ISM1: variants seen among roughly 807,000 people sequenced by gnomAD.
ISM1 encodes isthmin-1.
Under a neutral mutation model 46.3 loss-of-function variants are expected in ISM1, and 25 were observed. The ratio of observed to expected loss-of-function variants is 0.54; its 90% CI spans 0.39 to 0.75. ISM1 has a LOEUF of 0.75. Among genes scored for constraint, ISM1 ranks in the 30% least tolerant of loss-of-function variants. ISM1 has a pLI of 0.00. For missense variants in ISM1, 536 were observed against 625.4 expected (o/e 0.86, Z 1.52); for synonymous variants, 255 against 256.7 (o/e 0.99, Z 0.06).
chr20:13,277,760 C>T (rs918742865), intron 2 of ISM1, among the ~76,000 whole-genome samples: 6 of 151,934 alleles, frequency 3.9e-5, no homozygotes, highest in Admixed American at 2.6e-4. Context: ...CTAGTAGTGC[C>T]CTTCTAGGTG....
the ISM1 span, among the ~76,000 whole-genome samples, chr20:13,306,388 T>C: frequency 0.38 from 56,985 of 151,756 alleles, 11,656 homozygotes; most frequent in Admixed American, 0.44. Context: ...AAGGGAATGT[T>C]AGCAAATTTT....
intron 1 of ISM1, among the ~76,000 whole-genome samples, chr20:13,246,680 C>T (rs1212861719): frequency 6.6e-6 from 1 of 152,204 alleles, no homozygotes; most frequent in Non-Finnish European, 1.5e-5. Flanking sequence ...ATGGCAAAGC[C>T]ATGATTAAAT....
chr20:13,287,675 A>G (rs570656547), intron 3 of ISM1, among the ~76,000 whole-genome samples: 122 of 152,336 alleles, frequency 8.0e-4, no homozygotes, highest in African/African-American at 2.7e-3. Flanking sequence ...GTTGTACTTA[A>G]TAGTGTATCT....
rs33933983 is a variant in ISM1, at chr20:13,280,391, A to AC, written c.643+505dup. Among the ~76,000 whole-genome samples, 1,022 of 132,026 alleles carry AC rather than the reference A, an allele frequency of 7.7e-3. 7 individuals carry two copies. The highest frequency in any genetic ancestry group is 0.019 in the South Asian group (66 of 3,400). 86.6% of individuals were successfully genotyped at this position (132,026 alleles called of 152,430 possible). A position where few individuals can be genotyped will look rare whatever the true frequency, so the allele number is the denominator to read the frequency against. The stretch of plus-strand genomic sequence containing the variant: ...GTGTGTGTCTCAGGTCTTCAAAGTA[A>AC]CCCCCCCCCCCCAATACATTTCAAA... On this transcript the variant is annotated intron_variant, in intron 3 of 5. Transcript: ENST00000262487.
At chr20:13,223,974 G>A (rs193148568) in intron 1 of ISM1, among the ~76,000 whole-genome samples, 2 of 152,204 alleles carry the variant, frequency 1.3e-5, no homozygotes, top group Non-Finnish European at 1.5e-5. Context: ...GGTAATGAGA[G>A]AAGCAGCTGG....
At chr20:13,308,090 T>C in the ISM1 span, among the ~76,000 whole-genome samples, 2 of 152,316 alleles carry the variant, frequency 1.3e-5, no homozygotes, top group South Asian at 4.1e-4. Flanking sequence ...TTCACTGTCT[T>C]TCCTGACTAC....
chr20:13,312,035 T>C, the ISM1 span, among the ~76,000 whole-genome samples: 3 of 151,714 alleles, frequency 2.0e-5, no homozygotes, highest in East Asian at 3.9e-4. Flanking sequence ...ACCATAAATA[T>C]AGACAATTAA....
chr20:13,298,474 T>G (rs1408544487), intron 5 of ISM1, among the ~76,000 whole-genome samples: 1 of 152,172 alleles, frequency 6.6e-6, no homozygotes, highest in African/African-American at 2.4e-5. Context: ...TTGTTAGGAG[T>G]GATAATCGGA....
chr20:13,270,254 T>C (rs1361498508), intron 1 of ISM1, among the ~76,000 whole-genome samples: 5 of 152,226 alleles, frequency 3.3e-5, no homozygotes, highest in Non-Finnish European at 7.3e-5. Flanking sequence ...ACTTTGAAGC[T>C]TAATAAATAG....
chr20:13,262,792 T>G, intron 1 of ISM1, among the ~76,000 whole-genome samples: 1 of 152,132 alleles, frequency 6.6e-6, no homozygotes, highest in Non-Finnish European at 1.5e-5. Flanking sequence ...CAGGGATGGG[T>G]GGCCCCTCCA....
Position 13,290,925 on chromosome 20 carries a change from G to A in ISM1, c.788-1449G>A, listed in dbSNP as rs201212430. ...AGTGATCAACCTGGAATTTGAATCC[G>A]GACAGTCTGATTACAGAGTTCATAT... is the stretch of plus-strand genomic sequence containing the variant. On this transcript the variant is annotated intron_variant, in intron 4 of 5. Transcript: ENST00000262487. Among the ~76,000 whole-genome samples the A allele has an allele frequency of 4.5e-4, 68 of 152,250 alleles. No individual in the cohort carries two copies. The East Asian group carries it at 8.9e-3, about 20-fold the overall frequency.
At chr20:13,276,552 T>C (rs1227203865) in intron 2 of ISM1, among the ~76,000 whole-genome samples, 1 of 152,216 alleles carries the variant, frequency 6.6e-6, no homozygotes, top group African/African-American at 2.4e-5. Flanking sequence ...GAGTTCCCTT[T>C]CTTTTATCAT....
the ISM1 span, among the ~76,000 whole-genome samples, chr20:13,306,086 A>T: frequency 6.6e-6 from 1 of 151,860 alleles, no homozygotes; most frequent in Admixed American, 6.6e-5. Context: ...AATGAAAAAA[A>T]CCTTTTAAAT....
chr20:13,313,120 C>T, the ISM1 span, among the ~76,000 whole-genome samples: 1 of 152,202 alleles, frequency 6.6e-6, no homozygotes, highest in African/African-American at 2.4e-5. Context: ...ATGACTCCCG[C>T]ATCCAGGTCT....
chr20:13,321,766 T>C, the ISM1 span, among the ~76,000 whole-genome samples: 1 of 152,236 alleles, frequency 6.6e-6, no homozygotes, highest in Non-Finnish European at 1.5e-5. Flanking sequence ...AAAGTAGCGT[T>C]GAATTCACAT....
At chr20:13,227,398 T>C (rs1291067302) in intron 1 of ISM1, among the ~76,000 whole-genome samples, 1 of 150,818 alleles carries the variant, frequency 6.6e-6, no homozygotes, top group Non-Finnish European at 1.5e-5. Flanking sequence ...GGAGACAGGG[T>C]TTCACCGTGT....
At chr20:13,265,780 G>T (rs6033653) in intron 1 of ISM1, among the ~76,000 whole-genome samples, 1 of 151,896 alleles carries the variant, frequency 6.6e-6, no homozygotes, top group South Asian at 2.1e-4. Context: ...AATCCCAAGA[G>T]GGCACATTGC....
downstream of ISM1, among the ~76,000 whole-genome samples, chr20:13,304,175 C>T (rs1461316800): frequency 6.6e-6 from 1 of 152,192 alleles, no homozygotes; most frequent in Non-Finnish European, 1.5e-5. Flanking sequence ...AGTCACTCTC[C>T]TCAGCTCTGC....
In ISM1 at chr20:13,252,169, T is replaced by C. The variant is rs887515110; in HGVS notation, c.139-18335T>C. Among the ~76,000 whole-genome samples, 8 of 152,284 alleles carry C rather than the reference T, an allele frequency of 5.3e-5. No individual in the cohort carries two copies. The East Asian group carries it at 1.5e-3, about 29-fold the overall frequency. On this transcript the variant is annotated intron_variant, in intron 1 of 5. Coordinates refer to ENST00000262487, the MANE Select transcript of ISM1 (RefSeq NM_080826.2). ...GAATGGATCCCTCAGGCCTCTTTTC[T>C]GGAAGATGTCCCTGGAAGAGCAACG...
Sources: gnomAD v4.1 joint callset for allele counts (sites outside exome capture counted in the v4.1 genomes callset) on GRCh38, gnomAD v4.1.1 for gene constraint, MANE v1.5 for transcripts, NCBI Gene and HGNC (gene_info 2026-07-23, HGNC 2026-07-21) for gene names.